The following SCN11A variants were observed in gnomAD, a reference collection of about 807,000 sequenced individuals.
The protein encoded by SCN11A is sodium voltage-gated channel alpha subunit 11, also known as sodium channel protein type 11 subunit alpha.
Under a neutral mutation model 162.2 loss-of-function variants are expected in SCN11A, and 122 were observed. That is an observed-to-expected ratio of 0.75 (90% CI 0.65 to 0.87). SCN11A has a LOEUF of 0.87. SCN11A is among the 40% of genes least tolerant of loss of function. The pLI is 0.00. For missense variants in SCN11A, 2,015 were observed against 2,181.6 expected (o/e 0.92, Z 1.52); for synonymous variants, 758 against 751.5 (o/e 1.01, Z -0.14).
At chr3:38,993,758 G>A (rs1351361758) in intron 2 of SCN11A, among the ~76,000 whole-genome samples, 1 of 152,116 alleles carries the variant, frequency 6.6e-6, no homozygotes, top group Admixed American at 6.5e-5. Flanking sequence ...ACCTATCCCA[G>A]CCCACCTAAG....
chr3:38,985,182 C>A (rs1217382695), intron 2 of SCN11A, among the ~76,000 whole-genome samples: 1 of 143,286 alleles, frequency 7.0e-6, no homozygotes. Flanking sequence ...GGCTGGAGTG[C>A]AGTGGCGCAG....
chr3:39,013,342 A>G (rs1205666043), intron 2 of SCN11A, among the ~76,000 whole-genome samples: 6 of 152,212 alleles, frequency 3.9e-5, no homozygotes, highest in African/African-American at 1.4e-4. Flanking sequence ...TAAAATTTGT[A>G]TATGCCATAG....
At chr3:39,031,477 G>A (rs1164631240) in intron 2 of SCN11A, among the ~76,000 whole-genome samples, 1 of 150,894 alleles carries the variant, frequency 6.6e-6, no homozygotes, top group Non-Finnish European at 1.5e-5. Flanking sequence ...AATGAGCCAA[G>A]ATTGCACCAG....
intron 12 of SCN11A, among the ~76,000 whole-genome samples, chr3:38,909,605 C>T (rs1354357502): frequency 5.9e-5 from 8 of 136,660 alleles, no homozygotes; most frequent in Admixed American, 2.3e-4. Flanking sequence ...TTTTTTGAGA[C>T]GGAGTTTCAC....
intron 2 of SCN11A, among the ~76,000 whole-genome samples, chr3:39,005,447 C>G (rs1486414546): frequency 2.0e-5 from 3 of 152,234 alleles, no homozygotes; most frequent in Non-Finnish European, 4.4e-5. Flanking sequence ...AGGGACCAAC[C>G]TCTTTCCTTT....
chr3:39,025,494 C>T (rs1306611678), intron 2 of SCN11A, among the ~76,000 whole-genome samples: 1 of 152,128 alleles, frequency 6.6e-6, no homozygotes, highest in Non-Finnish European at 1.5e-5. Context: ...CATGAATTTT[C>T]CTGGAAAGGG....
At position 38,926,487 on chromosome 3, in the gene SCN11A, C is replaced by CTT. The variant is rs869220907; in HGVS notation, c.617+314_617+315dup. ...AGCTTCATAAGATTGAAAACCATGTCTTTTTTTTTTTTTTTAATTTCATTG... is the reference window on the plus strand; with the variant it reads ...AGCTTCATAAGATTGAAAACCATGTCTTTTTTTTTTTTTTTTTAATTTCATTG... On this transcript the variant is annotated intron_variant, in intron 8 of 29. Transcript: ENST00000302328. Among the ~76,000 whole-genome samples, 1,268 of 144,120 alleles carry CTT rather than the reference C, an allele frequency of 8.8e-3. 7 individuals are homozygous for CTT. The highest frequency in any genetic ancestry group is 0.019 in the African/African-American group (736 of 39,168). The allele number at this position is 144,120 out of a possible 152,430, so 94.5% of individuals were successfully genotyped here.
chr3:38,947,926 T>C (rs918742794), intron 5 of SCN11A, among the ~76,000 whole-genome samples: 3 of 152,220 alleles, frequency 2.0e-5, no homozygotes, highest in Non-Finnish European at 4.4e-5. Context: ...TAATACAGCA[T>C]GTTCTCAGGC....
In SCN11A at chr3:38,908,110, T is replaced by A; in HGVS notation, c.1312A>T (p.Met438Leu). The A allele has an allele frequency of 6.2e-7, 1 of 1,612,112 alleles. No individual in the cohort carries two copies. ...LKEEKEALVA[M>L]GIDRSSLTSL... ...GTAAGTGAACTTCTGTCAATTCCCA[T>A]GGCAACCAGAGCCTTCAAATTGAAC... is the stretch of plus-strand genomic sequence containing the variant. The change falls in exon 14 of 30, where the codon ATG becomes TTG. Residue 438 changes from methionine (M) to leucine (L), a missense_variant. Coordinates refer to ENST00000302328, the MANE Select transcript of SCN11A (RefSeq NM_001349253.2).
At chr3:38,973,930 A>C (rs1176560655) in intron 2 of SCN11A, among the ~76,000 whole-genome samples, 5 of 152,258 alleles carry the variant, frequency 3.3e-5, no homozygotes, top group Admixed American at 3.3e-4. Context: ...GCAGATGCCA[A>C]CAGGAATTCT....
intron 1 of SCN11A, among the ~76,000 whole-genome samples, chr3:39,037,314 A>G (rs1460203817): frequency 2.0e-5 from 3 of 152,216 alleles, no homozygotes; most frequent in Non-Finnish European, 2.9e-5. Context: ...AATGATGGTT[A>G]CTAAAAGCTG....
At chr3:38,973,905 T>C (rs1183493929) in intron 2 of SCN11A, among the ~76,000 whole-genome samples, 2 of 152,230 alleles carry the variant, frequency 1.3e-5, no homozygotes, top group African/African-American at 4.8e-5. Flanking sequence ...AAAATCTCTC[T>C]TTAGAAGGAG....
chr3:38,880,094 T>C lies in SCN11A; in HGVS notation c.3249A>G (p.Gln1083=), dbSNP rs200780813. ...LIFEDVHLEN[Q]PKIQELLNCT... ...AATTTAGTAATTCTTGGATTTTGGG[T>C]TGGTTCTCAAGGTGAACATCTTCAA... The change falls in exon 23 of 30, where the codon CAA becomes CAG. Residue 1083 remains glutamine (Q), a synonymous_variant. Coordinates refer to ENST00000302328, the MANE Select transcript of SCN11A (RefSeq NM_001349253.2). 2.9e-5 allele frequency: 47 copies of C among 1,611,900 alleles called. No individual in the cohort carries two copies. In the East Asian group the frequency reaches 1.0e-3, roughly 34 times the overall value.
At chr3:38,922,251 G>C (rs2066065608) in intron 9 of SCN11A, among the ~76,000 whole-genome samples, 1 of 152,232 alleles carries the variant, frequency 6.6e-6, no homozygotes, top group African/African-American at 2.4e-5. Context: ...TTCCCACAAA[G>C]TATAACACCA....
intron 17 of SCN11A, among the ~76,000 whole-genome samples, 153 bp from the exon 18 acceptor site, chr3:38,897,378 G>A (rs530185384): frequency 2.5e-4 from 38 of 152,250 alleles, no homozygotes; most frequent in East Asian, 5.8e-4. Context: ...CCATCAGATC[G>A]CTGTCATAAT....
At chr3:38,903,016 A>C (rs1446195753) in intron 16 of SCN11A, among the ~76,000 whole-genome samples, 11 of 152,206 alleles carry the variant, frequency 7.2e-5, no homozygotes, top group African/African-American at 2.7e-4. Flanking sequence ...TGGGACATGA[A>C]TTTCTTCTAT....
intron 2 of SCN11A, among the ~76,000 whole-genome samples, chr3:38,993,501 C>T (rs554808644): frequency 6.6e-6 from 1 of 152,250 alleles, no homozygotes; most frequent in African/African-American, 2.4e-5. Context: ...CTAAACAGGA[C>T]GGAAATTGGT....
chr3:38,926,654 G>T, intron 8 of SCN11A, 149 bp downstream of exon 8: 1 of 788,144 alleles, frequency 1.3e-6, no homozygotes, highest in Non-Finnish European at 2.1e-6. Flanking sequence ...TGCACGTGCT[G>T]TTCAGGGCCA....
intron 2 of SCN11A, among the ~76,000 whole-genome samples, chr3:38,964,824 A>G (rs182133924): frequency 2.9e-4 from 44 of 152,334 alleles, no homozygotes; most frequent in Admixed American, 1.1e-3. Context: ...GTTCAAACCT[A>G]AATTTGTATT....
Sources: gnomAD v4.1 joint callset for allele counts (sites outside exome capture counted in the v4.1 genomes callset) on GRCh38, gnomAD v4.1.1 for gene constraint, MANE v1.5 for transcripts, NCBI Gene and HGNC (gene_info 2026-07-23, HGNC 2026-07-21) for gene names.